VAT1L: variants seen among roughly 807,000 people sequenced by gnomAD.
VAT1L encodes vesicle amine transport 1 like.
Under a neutral mutation model 44.1 loss-of-function variants are expected in VAT1L, and 34 were observed. The ratio of observed to expected loss-of-function variants is 0.77; its 90% confidence interval spans 0.59 to 1.03. The LOEUF (loss-of-function observed/expected upper bound fraction) is 1.03. VAT1L is among the 50% of genes least tolerant of loss of function. The pLI, the probability that VAT1L is intolerant of heterozygous loss-of-function variation, is 0.00. For missense variants in VAT1L, 615 were observed against 538.8 expected (o/e 1.14, Z -1.40); for synonymous variants, 253 against 202.2 (o/e 1.25, Z -2.13).
intron 4 of VAT1L, among the ~76,000 whole-genome samples, chr16:77,865,137 CTAAT>C (rs2016959629): frequency 6.6e-6 from 1 of 151,944 alleles, no homozygotes; most frequent in Non-Finnish European, 1.5e-5. Flanking sequence ...CCACACCTGG[CTAAT>C]TTTTTGTATT....
At chr16:77,955,997 T>C (rs1473975320) in intron 7 of VAT1L, among the ~76,000 whole-genome samples, 1 of 152,110 alleles carries the variant, frequency 6.6e-6, no homozygotes, top group African/African-American at 2.4e-5. Flanking sequence ...AAACAATGGG[T>C]AAGACCTGTT....
chr16:77,887,125 A>C (rs373493360), intron 7 of VAT1L, among the ~76,000 whole-genome samples: 1 of 152,214 alleles, frequency 6.6e-6, no homozygotes, highest in African/African-American at 2.4e-5. Flanking sequence ...AAGAAACTAA[A>C]GGGAGAGAAT....
intron 7 of VAT1L, among the ~76,000 whole-genome samples, chr16:77,962,839 G>C (rs1331254454): frequency 6.6e-6 from 1 of 152,146 alleles, no homozygotes; most frequent in African/African-American, 2.4e-5. Flanking sequence ...TCAGCTACTT[G>C]GGAGGCTGAG....
rs137901130 is a variant in VAT1L, at chr16:77,875,704, C to A, written c.723-666C>A. On this transcript the variant is annotated intron_variant, in intron 4 of 8. Coordinates refer to ENST00000302536, the MANE Select transcript of VAT1L (RefSeq NM_020927.3). ...TGGCTTCTTTCTACTCCACAACCTCCCATTGCTGGAGGAAGTTCATCTCTA... is the reference window on the plus strand; with the variant it reads ...TGGCTTCTTTCTACTCCACAACCTCACATTGCTGGAGGAAGTTCATCTCTA... 2.6e-5 allele frequency among the ~76,000 whole-genome samples: 4 copies of A among 152,306 alleles called. No homozygotes were observed. The East Asian group carries it at 7.7e-4, about 29-fold the overall frequency.
chr16:77,846,876 TAAA>T (rs139591118), intron 3 of VAT1L, among the ~76,000 whole-genome samples: 1 of 151,900 alleles, frequency 6.6e-6, no homozygotes, highest in Non-Finnish European at 1.5e-5. Flanking sequence ...ATTCTGTGGA[TAAA>T]AAAAATTATT....
intron 4 of VAT1L, among the ~76,000 whole-genome samples, chr16:77,874,789 G>C (rs2017069720): frequency 6.8e-6 from 1 of 147,070 alleles, no homozygotes; most frequent in African/African-American, 2.5e-5. Flanking sequence ...ACATCCTCCA[G>C]TGCCTAGTGC....
chr16:77,822,156 C>T (rs776416370), intron 2 of VAT1L, among the ~76,000 whole-genome samples: 44 of 152,072 alleles, frequency 2.9e-4, no homozygotes, highest in African/African-American at 1.0e-3. Context: ...TATTTAGAGA[C>T]GGAGTTTCGC....
At chr16:77,859,135 CAA>C (rs59034189) in intron 3 of VAT1L, among the ~76,000 whole-genome samples, 1 of 126,052 alleles carries the variant, frequency 7.9e-6, no homozygotes. Flanking sequence ...AACTCCATCT[CAA>C]AAAAAAAAAA....
rs117287640 is a variant in VAT1L at position 77,809,283 on chromosome 16, G to T, written c.234-7638G>T. 3.9e-5 allele frequency among the ~76,000 whole-genome samples: 6 copies of T among 152,238 alleles called. No homozygotes were observed. In the East Asian group the frequency reaches 7.7e-4, roughly 20 times the overall value. On this transcript the variant is annotated intron_variant, in intron 1 of 8. Coordinates refer to ENST00000302536, the MANE Select transcript of VAT1L (RefSeq NM_020927.3). Reference sequence around the variant, plus strand: ...ACACCATGCCTGATACATAGAAAGCGCCCCATAAAAGTTACCTATTACAAT... The same window carrying T: ...ACACCATGCCTGATACATAGAAAGCTCCCCATAAAAGTTACCTATTACAAT...
rs756274324 is a variant in VAT1L, at chr16:77,977,578, A to T, written c.1162-19A>T. Reference sequence around the variant, plus strand: ...GCTGGGTTGCACAACCCTCAATAACATCCTCTTTTGAATTACAGATGGCCA... The same window carrying T: ...GCTGGGTTGCACAACCCTCAATAACTTCCTCTTTTGAATTACAGATGGCCA... On this transcript the variant is annotated intron_variant, in intron 8 of 8. Coordinates refer to ENST00000302536, the MANE Select transcript of VAT1L (RefSeq NM_020927.3). The T allele has an allele frequency of 2.5e-6, 4 of 1,612,638 alleles. No individual in the cohort carries two copies. The highest frequency in any genetic ancestry group is 1.7e-5 in the Admixed American group (1 of 59,908).
At chr16:77,840,268 G>C (rs2016690952) in intron 3 of VAT1L, among the ~76,000 whole-genome samples, 1 of 152,176 alleles carries the variant, frequency 6.6e-6, no homozygotes, top group Non-Finnish European at 1.5e-5. Flanking sequence ...TATTAGGTGG[G>C]GAGGCAGGGA....
At chr16:77,850,905 G>A (rs1382421901) in intron 3 of VAT1L, among the ~76,000 whole-genome samples, 2 of 152,184 alleles carry the variant, frequency 1.3e-5, no homozygotes, top group Non-Finnish European at 2.9e-5. Flanking sequence ...CTCCACGGTT[G>A]CTGGAGTCCA....
intron 7 of VAT1L, among the ~76,000 whole-genome samples, chr16:77,914,202 G>A (rs2017527387): frequency 6.6e-6 from 1 of 152,092 alleles, no homozygotes; most frequent in South Asian, 2.1e-4. Context: ...AACTATTATA[G>A]TTATTAAATT....
intron 3 of VAT1L, among the ~76,000 whole-genome samples, chr16:77,843,379 G>T (rs540530031): frequency 1.3e-5 from 2 of 152,266 alleles, no homozygotes; most frequent in South Asian, 4.1e-4. Flanking sequence ...ATTACTCCCA[G>T]ATCTCCAGAG....
chr16:77,927,035 T>G (rs759608269), intron 7 of VAT1L, among the ~76,000 whole-genome samples: 2 of 152,074 alleles, frequency 1.3e-5, no homozygotes, highest in Non-Finnish European at 2.9e-5. Context: ...CCTGAGGAAT[T>G]AGTACACATC....
At position 77,977,903 on chromosome 16, in the gene VAT1L, T is replaced by A. The variant is rs1002377507; in HGVS notation, c.*208T>A. 5 of 538,490 alleles carry A rather than the reference T, an allele frequency of 9.3e-6. No individual in the cohort carries two copies. The highest frequency in any genetic ancestry group is 1.7e-5 in the Non-Finnish European group (5 of 296,462). 33.4% of individuals were successfully genotyped at this position (538,490 alleles called of 1,614,324 possible). On this transcript the variant is annotated 3_prime_UTR_variant, in exon 9 of 9. Coordinates refer to ENST00000302536, the MANE Select transcript of VAT1L (RefSeq NM_020927.3). ...CAGTATTATGTCCCTCTCCTATCTG[T>A]GTATTACACATTCCCCTCTCCCCTG...
chr16:77,862,215 T>C (rs1441020282), intron 3 of VAT1L, among the ~76,000 whole-genome samples: 2 of 152,192 alleles, frequency 1.3e-5, no homozygotes, highest in Non-Finnish European at 2.9e-5. Context: ...ACATTTGTGG[T>C]TGTCACAACT....
intron 7 of VAT1L, among the ~76,000 whole-genome samples, chr16:77,898,604 CTGTG>C (rs1342094586): frequency 9.5e-5 from 13 of 136,862 alleles, no homozygotes; most frequent in Non-Finnish European, 6.1e-5. Context: ...TATCATGAGG[CTGTG>C]TGTGCAGGGC....
At chr16:77,919,439 A>C (rs951897323) in intron 7 of VAT1L, among the ~76,000 whole-genome samples, 1 of 152,220 alleles carries the variant, frequency 6.6e-6, no homozygotes, top group African/African-American at 2.4e-5. Context: ...CCTATTTAAA[A>C]TTAATTAGAG....
Sources: allele counts gnomAD v4.1 joint callset (sites outside exome capture counted in the v4.1 genomes callset), GRCh38; gene constraint gnomAD v4.1.1; transcripts MANE v1.5; gene names NCBI Gene and HGNC (gene_info 2026-07-23, HGNC 2026-07-21).